GMDS: variants seen among roughly 807,000 people sequenced by gnomAD.
GMDS encodes GDP-mannose 4,6-dehydratase, also known as GDP-mannose 4,6 dehydratase.
GMDS carries 20 observed loss-of-function variants against 49.9 expected under a neutral mutation model. The observed-to-expected ratio is 0.40, with a 90% CI of 0.28 to 0.58. GMDS has a LOEUF of 0.58. Ranked by LOEUF, GMDS falls within the 20% of genes least tolerant of loss-of-function variation. The probability of loss-of-function intolerance (pLI) is 0.42; values close to 1 mark genes in which losing one functional copy is unlikely to be tolerated. For missense variants in GMDS, 362 were observed against 481.4 expected (o/e 0.75, Z 2.32); for synonymous variants, 177 against 178.6 (o/e 0.99, Z 0.07).
intron 4 of GMDS, among the ~76,000 whole-genome samples, chr6:2,072,496 C>CT (rs1772076037): frequency 6.6e-6 from 1 of 152,156 alleles, no homozygotes; most frequent in Non-Finnish European, 1.5e-5. Flanking sequence ...AGCATGAACT[C>CT]TAAGTTTTAG....
intron 7 of GMDS, among the ~76,000 whole-genome samples, chr6:1,809,336 C>T (rs892573397): frequency 6.6e-5 from 10 of 152,140 alleles, no homozygotes; most frequent in African/African-American, 1.7e-4. Context: ...ACAGCTGTAC[C>T]GGCCGGGAGC....
chr6:1,999,981 T>TATA lies in GMDS; in HGVS notation c.346-39016_346-39015insTAT, dbSNP rs1491406850. On this transcript the variant is annotated intron_variant, in intron 4 of 10. Transcript: ENST00000380815. The stretch of plus-strand genomic sequence containing the variant: ...ATATTATATATATATTATATATATA[T>TATA]TTTATATATATATATTATATATATA... 1.8e-3 allele frequency among the ~76,000 whole-genome samples: 29 copies of TATA among 15,928 alleles called. 1 individual carries two copies. Among genetic ancestry groups the TATA allele is most frequent in the African/African-American group, 5.8e-3 (25 of 4,326 alleles). 10.4% of individuals were successfully genotyped at this position (15,928 alleles called of 152,430 possible). A position where few individuals can be genotyped will look rare whatever the true frequency, so the allele number is the denominator to read the frequency against.
At chr6:1,844,244 GGTATA>G (rs1192230998) in intron 7 of GMDS, among the ~76,000 whole-genome samples, 1 of 151,846 alleles carries the variant, frequency 6.6e-6, no homozygotes, top group Admixed American at 6.6e-5. Flanking sequence ...TTCCTAGTGT[GGTATA>G]TTACCTAAAT....
intron 7 of GMDS, among the ~76,000 whole-genome samples, chr6:1,804,932 G>A (rs893604836): frequency 2.6e-5 from 4 of 152,142 alleles, no homozygotes; most frequent in East Asian, 3.8e-4. Context: ...TAATGCCTTC[G>A]TTCGAGGAAA....
chr6:1,780,098 C>T (rs376888945), intron 7 of GMDS, among the ~76,000 whole-genome samples: 2 of 152,220 alleles, frequency 1.3e-5, no homozygotes, highest in Admixed American at 6.5e-5. Flanking sequence ...CGAAAAAGAG[C>T]GAAGTGAATC....
At chr6:1,661,125 C>T (rs1764057782) in intron 9 of GMDS, among the ~76,000 whole-genome samples, 1 of 152,172 alleles carries the variant, frequency 6.6e-6, no homozygotes, top group South Asian at 2.1e-4. Context: ...ATGGGGCAGT[C>T]CTCTCGGCTT....
chr6:2,094,069 C>A (rs1773462463), intron 4 of GMDS, among the ~76,000 whole-genome samples: 1 of 152,182 alleles, frequency 6.6e-6, no homozygotes, highest in Admixed American at 6.5e-5. Flanking sequence ...GGGAGATTCT[C>A]AACTGGCTAA....
At chr6:2,081,791 T>C (rs987930376) in intron 4 of GMDS, among the ~76,000 whole-genome samples, 13 of 152,156 alleles carry the variant, frequency 8.5e-5, no homozygotes, top group African/African-American at 2.9e-4. Context: ...ACCCATCATT[T>C]CTGTTCTAAT....
At chr6:1,691,365 T>TG (rs1213915862) in intron 9 of GMDS, among the ~76,000 whole-genome samples, 2 of 148,586 alleles carry the variant, frequency 1.3e-5, no homozygotes, top group African/African-American at 5.0e-5. Context: ...GCGGGGGGTG[T>TG]GGGGGAGGGA....
intron 1 of GMDS, among the ~76,000 whole-genome samples, chr6:2,167,622 T>C (rs201036807): frequency 1.3e-5 from 2 of 152,172 alleles, no homozygotes; most frequent in East Asian, 1.9e-4. Flanking sequence ...TTGCCATGCA[T>C]CTTCCCCCAC....
At chr6:2,002,208 T>C (rs1163868707) in intron 4 of GMDS, among the ~76,000 whole-genome samples, 10 of 152,240 alleles carry the variant, frequency 6.6e-5, no homozygotes. Context: ...CATTTATTCA[T>C]TTAACAAACA....
chr6:2,048,808 T>C (rs1203014737), intron 4 of GMDS, among the ~76,000 whole-genome samples: 1 of 152,232 alleles, frequency 6.6e-6, no homozygotes, highest in Non-Finnish European at 1.5e-5. Flanking sequence ...TTTCTGTTTG[T>C]TGTTATTCTA....
intron 8 of GMDS, among the ~76,000 whole-genome samples, chr6:1,737,522 G>C (rs932245185): frequency 2.0e-4 from 29 of 141,844 alleles, no homozygotes; most frequent in African/African-American, 6.2e-4. Flanking sequence ...CACACACACA[G>C]AGATACACAC....
At chr6:2,149,752 T>G (rs1776754239) in intron 1 of GMDS, among the ~76,000 whole-genome samples, 1 of 152,204 alleles carries the variant, frequency 6.6e-6, no homozygotes, top group East Asian at 1.9e-4. Flanking sequence ...TTCCCTTCTT[T>G]TCCTATTTGC....
At chr6:2,114,174 T>A (rs1404927757) in intron 4 of GMDS, among the ~76,000 whole-genome samples, 1 of 152,210 alleles carries the variant, frequency 6.6e-6, no homozygotes, top group African/African-American at 2.4e-5. Context: ...ATAAAAATTT[T>A]CTGCATCTTT....
At chr6:2,239,631 TC>T (rs1159070738) in intron 1 of GMDS, among the ~76,000 whole-genome samples, 1 of 152,068 alleles carries the variant, frequency 6.6e-6, no homozygotes, top group African/African-American at 2.4e-5. Flanking sequence ...CATGTAACAG[TC>T]TTTGATTAAG....
chr6:1,725,342 AAC>A (rs1766541426), intron 9 of GMDS, among the ~76,000 whole-genome samples: 1 of 152,240 alleles, frequency 6.6e-6, no homozygotes, highest in African/African-American at 2.4e-5. Flanking sequence ...ACCATTTTGT[AAC>A]ACAGGAAGTT....
At chr6:1,962,784 T>C (rs1037102929) in intron 4 of GMDS, among the ~76,000 whole-genome samples, 2 of 151,942 alleles carry the variant, frequency 1.3e-5, no homozygotes, top group African/African-American at 2.4e-5. Flanking sequence ...TACATACATA[T>C]ATATATATTC....
intron 9 of GMDS, among the ~76,000 whole-genome samples, chr6:1,633,345 A>G (rs1299593077): frequency 6.6e-6 from 1 of 152,184 alleles, no homozygotes; most frequent in Non-Finnish European, 1.5e-5. Flanking sequence ...ATTTCTGCAA[A>G]CATTTCACAG....
Sources: gnomAD v4.1 joint callset for allele counts (sites outside exome capture counted in the v4.1 genomes callset) on GRCh38, gnomAD v4.1.1 for gene constraint, MANE v1.5 for transcripts, NCBI Gene and HGNC (gene_info 2026-07-23, HGNC 2026-07-21) for gene names.